The following CYB5R4 variants were observed in gnomAD, a reference collection of about 807,000 sequenced individuals.
CYB5R4 encodes the protein N-terminal cytochrome b5 and cytochrome b5 oxidoreductase domain-containing protein.
Under a neutral mutation model 70.2 loss-of-function variants are expected in CYB5R4, and 55 were observed. The observed-to-expected ratio is 0.78, with a 90% CI of 0.63 to 0.98. The LOEUF (loss-of-function observed/expected upper bound fraction) is 0.98, where lower values mean the gene tolerates loss of function less well. CYB5R4 is among the 50% of genes least tolerant of loss of function. The pLI is 0.00. For missense variants in CYB5R4, 562 were observed against 612.6 expected (o/e 0.92, Z 0.87); for synonymous variants, 197 against 199.5 (o/e 0.99, Z 0.11).
At position 83,960,732 on chromosome 6, in the gene CYB5R4, A is replaced by G. The variant is rs566081299; in HGVS notation, c.*854A>G. 1 of 152,310 alleles carries G rather than the reference A, an allele frequency of 6.6e-6. No homozygotes were observed. Among genetic ancestry groups the G allele is most frequent in the African/African-American group, 2.4e-5 (1 of 41,568 alleles). 9.4% of individuals were successfully genotyped at this position (152,310 alleles called of 1,614,324 possible). ...TCTAAATCAGCTGGAAAAATGAGGA[A>G]CATTCTGCCTTGAATGGTTCTTCCC... is the stretch of plus-strand genomic sequence containing the variant. On this transcript the variant is annotated 3_prime_UTR_variant, in exon 16 of 16. Transcript: ENST00000369681.
At chr6:83,933,017 A>G (rs1337773770) in intron 10 of CYB5R4, among the ~76,000 whole-genome samples, 1 of 152,196 alleles carries the variant, frequency 6.6e-6, no homozygotes, top group Non-Finnish European at 1.5e-5. Context: ...TATAACGTTA[A>G]ATATTTATAC....
intron 3 of CYB5R4, among the ~76,000 whole-genome samples, chr6:83,899,404 A>T (rs565717452): frequency 6.6e-6 from 1 of 152,284 alleles, no homozygotes; most frequent in South Asian, 2.1e-4. Context: ...AATGTTCATT[A>T]GGGATATTGG....
At chr6:83,949,149 C>T (rs1181822451) in intron 14 of CYB5R4, among the ~76,000 whole-genome samples, 1 of 149,916 alleles carries the variant, frequency 6.7e-6, no homozygotes, top group East Asian at 1.9e-4. Flanking sequence ...TCAGGTCAAG[C>T]CCTAGCTAGA....
At position 83,955,287 on chromosome 6, in the gene CYB5R4, C is replaced by G; in HGVS notation, c.1347-11C>G. On this transcript the variant is annotated splice_polypyrimidine_tract_variant and intron_variant, in intron 14 of 15. Transcript: ENST00000369681. Reference sequence around the variant, plus strand: ...TAATAAACTTTAAAAAGCTGTTTTTCTTTTCCCTAGACTGGATGTTGAATT... The same window carrying G: ...TAATAAACTTTAAAAAGCTGTTTTTGTTTTCCCTAGACTGGATGTTGAATT... 1 of 1,571,930 alleles carries G rather than the reference C, an allele frequency of 6.4e-7. No homozygotes were observed. Among genetic ancestry groups the G allele is most frequent in the Non-Finnish European group, 8.6e-7 (1 of 1,160,818 alleles).
chr6:83,898,114 T>G (rs1383565091), intron 3 of CYB5R4, among the ~76,000 whole-genome samples: 1 of 152,220 alleles, frequency 6.6e-6, no homozygotes, highest in Non-Finnish European at 1.5e-5. Context: ...ATTTAAGTCT[T>G]TAATCCATCT....
chr6:83,898,788 T>G lies in CYB5R4; in HGVS notation c.330+5166T>G, dbSNP rs867139341. 5.6e-4 allele frequency among the ~76,000 whole-genome samples: 85 copies of G among 152,272 alleles called. 1 individual carries two copies. Among genetic ancestry groups the G allele is most frequent in the Middle Eastern group, 6.8e-3 (2 of 294 alleles). On this transcript the variant is annotated intron_variant, in intron 3 of 15. Coordinates refer to ENST00000369681, the MANE Select transcript of CYB5R4 (RefSeq NM_016230.4). Reference sequence around the variant, plus strand: ...TTTGTCTGTTATTGGTGTATAAGAATGCTTGTGATTTTTGCACATTGATTT... The same window carrying G: ...TTTGTCTGTTATTGGTGTATAAGAAGGCTTGTGATTTTTGCACATTGATTT...
At position 83,961,067 on chromosome 6, in the gene CYB5R4, C is replaced by G. The variant is rs2099473263; in HGVS notation, c.*1189C>G. Reference sequence around the variant, plus strand: ...TAAATGATTTTGTAAACAGCTAAATCTTTGCTGAATGAATAATATACTCAA... The same window carrying G: ...TAAATGATTTTGTAAACAGCTAAATGTTTGCTGAATGAATAATATACTCAA... On this transcript the variant is annotated 3_prime_UTR_variant, in exon 16 of 16. Coordinates refer to ENST00000369681, the MANE Select transcript of CYB5R4 (RefSeq NM_016230.4). 1 of 152,180 alleles carries G rather than the reference C, an allele frequency of 6.6e-6. No individual in the cohort carries two copies. The highest frequency in any genetic ancestry group is 6.5e-5 in the Admixed American group (1 of 15,268). The allele number at this position is 152,180 out of a possible 1,614,324, so 9.4% of individuals were successfully genotyped here. A position where few individuals can be genotyped will look rare whatever the true frequency, so the allele number is the denominator to read the frequency against.
At chr6:83,866,439 T>C (rs1024605874) in intron 2 of CYB5R4, among the ~76,000 whole-genome samples, 5 of 152,182 alleles carry the variant, frequency 3.3e-5, no homozygotes, top group African/African-American at 4.8e-5. Flanking sequence ...TTTAAAATGC[T>C]CCATTGAGTG....
intron 12 of CYB5R4, among the ~76,000 whole-genome samples, chr6:83,936,608 A>ATT (rs1450366049): frequency 6.6e-6 from 1 of 152,060 alleles, no homozygotes; most frequent in Non-Finnish European, 1.5e-5. Flanking sequence ...GTCGGCCTTG[A>ATT]TTCTTCCCAC....
chr6:83,923,242 A>G (rs1393953093), intron 9 of CYB5R4, among the ~76,000 whole-genome samples: 1 of 152,194 alleles, frequency 6.6e-6, no homozygotes, highest in East Asian at 1.9e-4. Context: ...TTACACAGCT[A>G]TTTAATAATA....
intron 2 of CYB5R4, among the ~76,000 whole-genome samples, chr6:83,873,618 A>G (rs1462954253): frequency 6.6e-6 from 1 of 152,214 alleles, no homozygotes; most frequent in Non-Finnish European, 1.5e-5. Flanking sequence ...CTCATAAAAT[A>G]TAGAGAAGAC....
At chr6:83,922,903 C>T (rs1462644053) in intron 9 of CYB5R4, among the ~76,000 whole-genome samples, 1 of 152,130 alleles carries the variant, frequency 6.6e-6, no homozygotes, top group Non-Finnish European at 1.5e-5. Flanking sequence ...ATCCTCCCGT[C>T]TCAGCCTCCT....
intron 12 of CYB5R4, among the ~76,000 whole-genome samples, chr6:83,936,978 A>G (rs1347135602): frequency 1.3e-5 from 2 of 152,228 alleles, no homozygotes; most frequent in South Asian, 2.1e-4. Context: ...ACTTTTTTAA[A>G]AAGACCCAAA....
At chr6:83,941,712 T>C (rs556027833) in intron 14 of CYB5R4, among the ~76,000 whole-genome samples, 1 of 152,252 alleles carries the variant, frequency 6.6e-6, no homozygotes, top group Non-Finnish European at 1.5e-5. Context: ...ATCCTTGAAG[T>C]ATTTACTATT....
chr6:83,957,673 T>G (rs1226335167), intron 15 of CYB5R4, among the ~76,000 whole-genome samples: 1 of 151,994 alleles, frequency 6.6e-6, no homozygotes, highest in African/African-American at 2.4e-5. Context: ...TGGCTTTCTT[T>G]TCTCAGTTTT....
intron 1 of CYB5R4, 152 bp from the exon 2 acceptor site, chr6:83,864,023 C>G (rs916356611): frequency 4.2e-5 from 28 of 672,464 alleles, no homozygotes; most frequent in South Asian, 5.2e-5. Flanking sequence ...TAAGCCCTAC[C>G]TTTTATAATT....
chr6:83,891,044 G>A (rs2099461046), intron 2 of CYB5R4, among the ~76,000 whole-genome samples: 1 of 152,038 alleles, frequency 6.6e-6, no homozygotes, highest in Non-Finnish European at 1.5e-5. Context: ...CTGTGTTCAA[G>A]CGATCCGCCC....
intron 10 of CYB5R4, among the ~76,000 whole-genome samples, chr6:83,928,734 G>A (rs1412707380): frequency 2.0e-5 from 3 of 152,012 alleles, no homozygotes; most frequent in African/African-American, 4.8e-5. Flanking sequence ...AAGGGACAAT[G>A]GAAATGAAAA....
At chr6:83,911,854 G>T (rs2099464741) in intron 4 of CYB5R4, among the ~76,000 whole-genome samples, 1 of 151,602 alleles carries the variant, frequency 6.6e-6, no homozygotes, top group South Asian at 2.1e-4. Context: ...GACCAGCCTG[G>T]GCTACATAGC....
Sources: gnomAD v4.1 joint callset for allele counts (sites outside exome capture counted in the v4.1 genomes callset) on GRCh38, gnomAD v4.1.1 for gene constraint, MANE v1.5 for transcripts, NCBI Gene and HGNC (gene_info 2026-07-23, HGNC 2026-07-21) for gene names.